The following AFF3 variants were observed in gnomAD, a reference collection of about 807,000 sequenced individuals.
AFF3 encodes ALF transcription elongation factor 3.
AFF3 carries 32 observed loss-of-function variants against 129.7 expected under a neutral mutation model. The observed-to-expected ratio is 0.25, with a 90% CI of 0.19 to 0.33. The LOEUF (loss-of-function observed/expected upper bound fraction) is 0.33, where lower values mean the gene tolerates loss of function less well. AFF3 is among the 10% of genes least tolerant of loss of function. The pLI is 1.00. For synonymous variants in AFF3, 644 were observed against 635.4 expected (o/e 1.01, Z -0.20); for missense variants, 1,373 against 1,592.0 (o/e 0.86, Z 2.34).
At chr2:100,016,754 A>T (rs1559060769) in intron 4 of AFF3, among the ~76,000 whole-genome samples, 2 of 134,780 alleles carry the variant, frequency 1.5e-5, no homozygotes, top group Non-Finnish European at 3.2e-5. Flanking sequence ...TGAACATGTT[A>T]GTGACAGTAG....
At chr2:99,960,435 A>G (rs2104316386) in intron 7 of AFF3, among the ~76,000 whole-genome samples, 1 of 148,510 alleles carries the variant, frequency 6.7e-6, no homozygotes, top group South Asian at 2.1e-4. Context: ...ATTTAATATT[A>G]CTATTTACAA....
intron 11 of AFF3, among the ~76,000 whole-genome samples, chr2:99,689,987 T>C (rs1675444941): frequency 6.7e-6 from 1 of 149,556 alleles, no homozygotes; most frequent in Non-Finnish European, 1.5e-5. Flanking sequence ...CTTGGGAGGC[T>C]GGGACAGGAG....
chr2:99,564,323 G>C (rs1453254479), intron 20 of AFF3, among the ~76,000 whole-genome samples: 1 of 151,948 alleles, frequency 6.6e-6, no homozygotes, highest in Non-Finnish European at 1.5e-5. Flanking sequence ...GAACATCTCA[G>C]GCTGGGCCTT....
Position 99,956,280 on chromosome 2 carries a change from G to C in AFF3, c.873+50352C>G, listed in dbSNP as rs145818972. Among the ~76,000 whole-genome samples, 11 of 152,292 alleles carry C rather than the reference G, an allele frequency of 7.2e-5. No individual in the cohort carries two copies. In the East Asian group the frequency reaches 1.9e-3, roughly 27 times the overall value. ...GAAGAGCTACAGGGTGAGGAACTGG[G>C]AACAAAGGAGGAAGACACTATTAGC... On this transcript the variant is annotated intron_variant, in intron 7 of 24. Coordinates refer to ENST00000672756, the MANE Select transcript of AFF3 (RefSeq NM_001386135.1).
At chr2:99,884,008 G>A (rs1270147821) in intron 7 of AFF3, among the ~76,000 whole-genome samples, 1 of 152,168 alleles carries the variant, frequency 6.6e-6, no homozygotes, top group African/African-American at 2.4e-5. Flanking sequence ...ATGAAGAGAG[G>A]AAATTTGTGT....
At chr2:99,899,526 T>C (rs1352416284) in intron 7 of AFF3, among the ~76,000 whole-genome samples, 2 of 152,192 alleles carry the variant, frequency 1.3e-5, no homozygotes, top group Non-Finnish European at 2.9e-5. Context: ...TTCACTGGTA[T>C]TTTATAAAAA....
At chr2:99,789,565 C>T (rs1442768898) in intron 8 of AFF3, among the ~76,000 whole-genome samples, 1 of 152,046 alleles carries the variant, frequency 6.6e-6, no homozygotes, top group Non-Finnish European at 1.5e-5. Context: ...GCTGCCCTCT[C>T]CCAGAACTTC....
chr2:100,022,202 C>T (rs1683647210), intron 4 of AFF3, among the ~76,000 whole-genome samples: 1 of 152,150 alleles, frequency 6.6e-6, no homozygotes, highest in African/African-American at 2.4e-5. Context: ...CACAAGTTCC[C>T]AATTTCAGTT....
intron 7 of AFF3, among the ~76,000 whole-genome samples, chr2:99,942,700 T>C (rs1289522326): frequency 1.3e-5 from 2 of 151,768 alleles, no homozygotes; most frequent in South Asian, 2.1e-4. Flanking sequence ...GGAGCTTTGA[T>C]TGTGGGGAAA....
At chr2:99,806,275 C>A (rs1392253037) in intron 8 of AFF3, among the ~76,000 whole-genome samples, 1 of 152,192 alleles carries the variant, frequency 6.6e-6, no homozygotes, top group Non-Finnish European at 1.5e-5. Flanking sequence ...CTCCCATCAA[C>A]ATTCATTGAG....
chr2:99,973,433 C>T (rs910836167), intron 7 of AFF3, among the ~76,000 whole-genome samples: 2 of 152,190 alleles, frequency 1.3e-5, no homozygotes, highest in African/African-American at 2.4e-5. Flanking sequence ...TTTCCCACCA[C>T]CTAAGTCAAT....
chr2:99,932,287 T>C (rs1017884330), intron 7 of AFF3, among the ~76,000 whole-genome samples: 16 of 152,206 alleles, frequency 1.1e-4, no homozygotes, highest in African/African-American at 3.6e-4. Context: ...CTTCTTCCAA[T>C]GTGGCCCAGG....
chr2:99,875,898 A>C (rs1692261271), intron 7 of AFF3, among the ~76,000 whole-genome samples: 1 of 152,098 alleles, frequency 6.6e-6, no homozygotes, highest in Non-Finnish European at 1.5e-5. Context: ...AAGGCCATTC[A>C]CGATCTGCAT....
chr2:99,892,106 G>A (rs1263524780), intron 7 of AFF3, among the ~76,000 whole-genome samples: 3 of 152,152 alleles, frequency 2.0e-5, no homozygotes, highest in Admixed American at 2.0e-4. Context: ...ACAGGCATGA[G>A]CCACCACACC....
At chr2:99,560,586 T>G in intron 20 of AFF3, 150 bp from the exon 21 acceptor site, 2 of 747,010 alleles carry the variant, frequency 2.7e-6, no homozygotes. Flanking sequence ...AATTCTTTCT[T>G]AAAAGCTAGC....
In AFF3 at chr2:99,781,830, C is replaced by T. The variant is rs186019195; in HGVS notation, c.922-29529G>A. On this transcript the variant is annotated intron_variant, in intron 8 of 24. Coordinates refer to ENST00000672756, the MANE Select transcript of AFF3 (RefSeq NM_001386135.1). The stretch of plus-strand genomic sequence containing the variant: ...ACCAAAAGGGCATTTGCATTTGTTA[C>T]CAGATTAACCAAGTATAGCAAAATA... Among the ~76,000 whole-genome samples the T allele has an allele frequency of 2.1e-3, 312 of 152,110 alleles. 1 individual carries two copies. Among genetic ancestry groups the T allele is most frequent in the African/African-American group, 7.2e-3 (300 of 41,478 alleles).
At chr2:100,044,634 T>C (rs903858564) in intron 4 of AFF3, among the ~76,000 whole-genome samples, 1 of 152,154 alleles carries the variant, frequency 6.6e-6, no homozygotes, top group East Asian at 1.9e-4. Flanking sequence ...AGATGCTTGC[T>C]GGTTCACTTG....
intron 7 of AFF3, among the ~76,000 whole-genome samples, chr2:99,954,972 CA>C (rs1308080218): frequency 4.7e-5 from 7 of 147,616 alleles, no homozygotes; most frequent in East Asian, 2.0e-4. Flanking sequence ...TTGGAAACTA[CA>C]AAAAAAATAA....
Position 100,007,345 on chromosome 2 carries a change from T to C in AFF3, c.290A>G (p.Lys97Arg). The C allele has an allele frequency of 1.2e-6, 2 of 1,614,150 alleles. No individual in the cohort carries two copies. The highest frequency in any genetic ancestry group is 1.7e-6 in the Non-Finnish European group (2 of 1,180,012). The change falls in exon 6 of 25, where the codon AAA (lysine) becomes AGA (arginine). Residue 97 changes from lysine to arginine, a missense_variant. This residue lies in a region of AFF3 where 255 missense variants were observed against 256.0 expected (regional missense o/e 1.00). Transcript: ENST00000672756. ...CACAGGAGTCTGAGGAACCCCAGGT[T>C]TGGGAACTCCAACGAGATGACTCTG... The part of the protein sequence containing the change: ...SNQSHLVGVP[K>R]PGVPQTPVNK...
Sources: allele counts gnomAD v4.1 joint callset (sites outside exome capture counted in the v4.1 genomes callset), GRCh38; gene constraint gnomAD v4.1.1; regional missense constraint gnomAD v4.1.1; transcripts MANE v1.5; gene names NCBI Gene and HGNC (gene_info 2026-07-23, HGNC 2026-07-21).